CHAT: variants seen among roughly 807,000 people sequenced by gnomAD.
CHAT encodes the protein acetyl CoA:choline O-acetyltransferase.
CHAT carries 61 observed loss-of-function variants against 76.9 expected under a neutral mutation model. That is an observed-to-expected ratio of 0.79 (90% CI 0.65 to 0.98). The LOEUF (loss-of-function observed/expected upper bound fraction) is 0.98, where lower values mean the gene tolerates loss of function less well. CHAT is among the 50% of genes least tolerant of loss of function. CHAT has a pLI of 0.00. For synonymous variants in CHAT, 407 were observed against 397.4 expected, an observed-to-expected ratio of 1.02 and a Z score of -0.29; for missense variants, 946 against 986.9, an observed-to-expected ratio of 0.96 and a Z score of 0.56.
In CHAT at chr10:49,665,640, T is replaced by C. The variant is rs1018630192; in HGVS notation, c.*594T>C. Among the ~76,000 whole-genome samples the C allele has an allele frequency of 1.3e-5, 2 of 152,176 alleles. No homozygotes were observed. The highest frequency in any genetic ancestry group is 1.3e-4 in the Admixed American group (2 of 15,280). ...ACAGAGCCCAAGTCCATTTAAAATA[T>C]AGTGACTTGGGCCCACAAACACATT... On this transcript the variant is annotated 3_prime_UTR_variant, in exon 15 of 15. Coordinates refer to ENST00000337653, the MANE Select transcript of CHAT (RefSeq NM_020549.5).
rs1156904329 is a variant in CHAT, at chr10:49,664,803, C to G, written c.2004C>G (p.Cys668Trp). 1 of 1,614,094 alleles carries G rather than the reference C, an allele frequency of 6.2e-7. No homozygotes were observed. The highest frequency in any genetic ancestry group is 1.3e-5 in the African/African-American group (1 of 74,928). The change falls in exon 15 of 15, where the codon TGC (cysteine) becomes TGG (tryptophan). Residue 668 changes from cysteine (C) to tryptophan (W), a missense_variant. Around this residue, in one of 3 missense-constraint regions of CHAT, gnomAD observed 349 missense variants for 393.9 expected, o/e 0.89. Transcript: ENST00000337653. ...SQVPTTTEMF[C>W]CYGPVVPNGY... Reference sequence around the variant, plus strand: ...TGCCCACAACCACGGAGATGTTCTGCTGCTATGGTCCTGTGGTCCCAAATG... The same window carrying G: ...TGCCCACAACCACGGAGATGTTCTGGTGCTATGGTCCTGTGGTCCCAAATG...
At chr10:49,610,047 C>T (rs1450074131), upstream of CHAT, among the ~76,000 whole-genome samples, 2 of 151,928 alleles carry the variant, frequency 1.3e-5, no homozygotes, top group Admixed American at 6.5e-5. Context: ...GGGCGGGGGG[C>T]AGAGGGCCAG....
intron 7 of CHAT, among the ~76,000 whole-genome samples, chr10:49,640,408 G>A (rs1472983920): frequency 6.6e-6 from 1 of 152,178 alleles, no homozygotes; most frequent in East Asian, 1.9e-4. Flanking sequence ...AAGAGAATGG[G>A]GGAGGTTATA....
chr10:49,639,901 C>G (rs1839423526), intron 7 of CHAT, among the ~76,000 whole-genome samples: 1 of 152,150 alleles, frequency 6.6e-6, no homozygotes, highest in Non-Finnish European at 1.5e-5. Context: ...TTCCCCCAGT[C>G]TAATCAGTGT....
intron 7 of CHAT, among the ~76,000 whole-genome samples, chr10:49,636,884 A>G (rs941401938): frequency 8.5e-5 from 13 of 152,210 alleles, no homozygotes; most frequent in African/African-American, 2.9e-4. Flanking sequence ...GTGGTAGTTT[A>G]TACTTTTCAA....
upstream of CHAT, chr10:49,611,710 G>A: frequency 1.2e-6 from 2 of 1,608,120 alleles, no homozygotes; most frequent in Non-Finnish European, 1.7e-6. Flanking sequence ...GGCGGCTTCC[G>A]AGTGGGAGAT....
upstream of CHAT, among the ~76,000 whole-genome samples, chr10:49,609,698 G>A (rs1418906809): frequency 2.6e-5 from 4 of 152,028 alleles, no homozygotes; most frequent in Admixed American, 2.6e-4. Flanking sequence ...GCCAGGCCAG[G>A]CAGTTGCTGA....
chr10:49,658,475 G>A (rs1033087934), intron 13 of CHAT, among the ~76,000 whole-genome samples: 5 of 152,034 alleles, frequency 3.3e-5, no homozygotes, highest in African/African-American at 7.2e-5. Context: ...CCAAGATCAC[G>A]TCATTGTACT....
intron 1 of CHAT, chr10:49,616,037 C>T: frequency 6.2e-7 from 1 of 1,613,840 alleles, no homozygotes; most frequent in Non-Finnish European, 8.5e-7. Context: ...GGAATTCACC[C>T]TACTCCACAC....
intron 2 of CHAT, among the ~76,000 whole-genome samples, chr10:49,618,239 G>A (rs1447346243): frequency 2.0e-5 from 3 of 152,166 alleles, no homozygotes; most frequent in African/African-American, 7.2e-5. Flanking sequence ...CTAGATTCTG[G>A]AGCCCCAGCT....
chr10:49,625,618 G>A lies in CHAT; in HGVS notation c.898G>A (p.Glu300Lys), dbSNP rs1047021837. The A allele has an allele frequency of 2.5e-6, 4 of 1,593,850 alleles. No homozygotes were observed. The highest frequency in any genetic ancestry group is 1.7e-6 in the Non-Finnish European group (2 of 1,169,466). Reference sequence around the variant, plus strand: ...GGCTCAGAACAGCAGCATCATGCCGGAGCCTGAGCACGTCATCGTAGCCTG... The same window carrying A: ...GGCTCAGAACAGCAGCATCATGCCGAAGCCTGAGCACGTCATCGTAGCCTG... The part of the protein sequence containing the change: ...LVAQNSSIMP[E>K]PEHVIVACCN... Residue 300 changes from glutamate to lysine, a missense_variant, in exon 6 of 15, where the codon GAG (glutamate) becomes AAG (lysine). Physicochemically the swap from Glu to Lys is moderately conservative, Grantham distance 56. Coordinates refer to ENST00000337653, the MANE Select transcript of CHAT (RefSeq NM_020549.5).
In CHAT at chr10:49,614,480, G is replaced by T; in HGVS notation, c.286+5G>T. ...CAGCAGAGCCGAGGAGAGCAGGTGAGAAGAAGGGCTGGGCTGGGCTGGCGG... is the reference window on the plus strand; with the variant it reads ...CAGCAGAGCCGAGGAGAGCAGGTGATAAGAAGGGCTGGGCTGGGCTGGCGG... On this transcript the variant is annotated splice_donor_5th_base_variant and intron_variant, in intron 1 of 14. Coordinates refer to ENST00000337653, the MANE Select transcript of CHAT (RefSeq NM_020549.5). 6.5e-7 allele frequency: 1 copy of T among 1,543,532 alleles called. No homozygotes were observed. Among genetic ancestry groups the T allele is most frequent in the Non-Finnish European group, 8.7e-7 (1 of 1,146,104 alleles).
In CHAT at chr10:49,625,570, G is replaced by A. The variant is rs146236256; in HGVS notation, c.850G>A (p.Gly284Ser). Reference sequence around the variant, plus strand: ...GCTCTTCTCCTCCTACCGGCTCCCCGGCCATACCCAGGACACGCTGGTGGC... The same window carrying A: ...GCTCTTCTCCTCCTACCGGCTCCCCAGCCATACCCAGGACACGCTGGTGGC... ...YGLFSSYRLP[G>S]HTQDTLVAQN... Residue 284 changes from glycine to serine, a missense_variant, in exon 6 of 15, where the codon GGC becomes AGC. This residue lies in a region of CHAT where 548 missense variants were observed against 516.2 expected (regional missense o/e 1.06). Transcript: ENST00000337653. 63 of 1,611,896 alleles carry A rather than the reference G, an allele frequency of 3.9e-5. No individual in the cohort carries two copies. The highest frequency in any genetic ancestry group is 2.2e-5 in the South Asian group (2 of 90,418).
intron 4 of CHAT, among the ~76,000 whole-genome samples, chr10:49,621,493 G>A (rs868638627): frequency 1.1e-4 from 17 of 152,300 alleles, no homozygotes; most frequent in Middle Eastern, 6.8e-3. Flanking sequence ...GACAGTTCCC[G>A]CTGCTCGTTT....
intron 13 of CHAT, among the ~76,000 whole-genome samples, chr10:49,661,886 G>A (rs774604706): frequency 3.9e-5 from 6 of 152,086 alleles, no homozygotes; most frequent in Admixed American, 1.3e-4. Context: ...TGACATCCTG[G>A]AGCTTTCTCT....
In CHAT at chr10:49,614,193, G is replaced by T; in HGVS notation, c.4G>T (p.Gly2Trp). M[G>W]LRTAKKRGLG... ...TGGGCGGGGAGCTGGGGAAGGGATG[G>T]GGCTGAGGACAGCGAAGAAGAGGGG... The change falls in exon 1 of 15, where the codon GGG becomes TGG. Residue 2 changes from glycine (G) to tryptophan (W), a missense_variant. Physicochemically the swap from Gly to Trp is radical, Grantham distance 184. Coordinates refer to ENST00000337653, the MANE Select transcript of CHAT (RefSeq NM_020549.5). 6.5e-7 allele frequency: 1 copy of T among 1,540,632 alleles called. No individual in the cohort carries two copies. The highest frequency in any genetic ancestry group is 8.8e-7 in the Non-Finnish European group (1 of 1,141,308).
At chr10:49,622,677 C>T (rs1171365233) in intron 5 of CHAT, among the ~76,000 whole-genome samples, 3 of 152,150 alleles carry the variant, frequency 2.0e-5, no homozygotes, top group Admixed American at 6.5e-5. Flanking sequence ...AGGAGGGTGT[C>T]TGAGAGCAGC....
chr10:49,635,537 A>T (rs1194705248), intron 7 of CHAT, among the ~76,000 whole-genome samples: 1 of 152,218 alleles, frequency 6.6e-6, no homozygotes, highest in Admixed American at 6.5e-5. Context: ...ACCATTTTAC[A>T]TTCCTGTCAG....
chr10:49,631,686 G>A (rs949764679), intron 7 of CHAT, among the ~76,000 whole-genome samples: 1 of 152,220 alleles, frequency 6.6e-6, no homozygotes, highest in Non-Finnish European at 1.5e-5. Context: ...CAGAGTGTGG[G>A]ATGCTTGAAA....
Sources: allele counts gnomAD v4.1 joint callset (sites outside exome capture counted in the v4.1 genomes callset), GRCh38; gene constraint gnomAD v4.1.1; regional missense constraint gnomAD v4.1.1; transcripts MANE v1.5; gene names NCBI Gene and HGNC (gene_info 2026-07-23, HGNC 2026-07-21).